WARS2: variants seen among roughly 807,000 people sequenced by gnomAD.
The protein encoded by WARS2 is tryptophan--tRNA ligase, mitochondrial.
WARS2 carries 28 observed loss-of-function variants against 36.5 expected under a neutral mutation model. The observed-to-expected ratio is 0.77, with a 90% CI of 0.57 to 1.05. The LOEUF (loss-of-function observed/expected upper bound fraction) is 1.05, where lower values mean the gene tolerates loss of function less well. WARS2 is among the 50% of genes least tolerant of loss of function. The pLI is 0.00. For missense variants in WARS2, 435 were observed against 456.8 expected, an observed-to-expected ratio of 0.95 and a Z score of 0.44; for synonymous variants, 174 against 178.4, an observed-to-expected ratio of 0.98 and a Z score of 0.20.
At position 119,140,572 on chromosome 1, in the gene WARS2, C is replaced by G; in HGVS notation, c.73G>C (p.Ala25Pro). 1.9e-6 allele frequency: 3 copies of G among 1,613,550 alleles called. No homozygotes were observed. The highest frequency in any genetic ancestry group is 2.5e-6 in the Non-Finnish European group (3 of 1,179,566). Residue 25 changes from alanine to proline, a missense_variant, in exon 1 of 6, where the codon GCT becomes CCT. Ala to Pro is a conservative substitution (Grantham distance 27). Coordinates refer to ENST00000235521, the MANE Select transcript of WARS2 (RefSeq NM_015836.4). ...FIRALHKGSA[A>P]APALQKDSKK... ...TTGGTTACCTGGAGAGCGGGAGCAGCTGCGGATCCCTTATGAAGTGCCCGG... is the reference window on the plus strand; with the variant it reads ...TTGGTTACCTGGAGAGCGGGAGCAGGTGCGGATCCCTTATGAAGTGCCCGG...
chr1:119,085,975 C>A, intron 1 of WARS2: 1 of 1,608,348 alleles, frequency 6.2e-7, no homozygotes, highest in Non-Finnish European at 8.5e-7. Context: ...CCAAACTCAG[C>A]GTTCAGGTAT....
chr1:119,078,123 T>C (rs1651884523), intron 1 of WARS2, among the ~76,000 whole-genome samples: 1 of 152,200 alleles, frequency 6.6e-6, no homozygotes, highest in Non-Finnish European at 1.5e-5. Flanking sequence ...GTGGTGGAGT[T>C]GAGGTTTCAG....
chr1:119,126,486 T>A (rs1655666813), intron 1 of WARS2: 2 of 457,316 alleles, frequency 4.4e-6, no homozygotes, highest in Non-Finnish European at 8.0e-6. Context: ...ACTATTTTTT[T>A]TTTTTTTTTC....
rs531010624 is a variant in WARS2, at chr1:119,036,510, G to A, written c.516-2297C>T. On this transcript the variant is annotated intron_variant, in intron 4 of 5. Coordinates refer to ENST00000235521, the MANE Select transcript of WARS2 (RefSeq NM_015836.4). ...GCTGACATGCAGAGGTCACCTTGACGCCCCCAAGCCAAATTAGCCAACAGA... is the reference window on the plus strand; with the variant it reads ...GCTGACATGCAGAGGTCACCTTGACACCCCCAAGCCAAATTAGCCAACAGA... Among the ~76,000 whole-genome samples, 6 of 152,164 alleles carry A rather than the reference G, an allele frequency of 3.9e-5. No homozygotes were observed. The South Asian group carries it at 6.2e-4, about 16-fold the overall frequency.
chr1:119,071,433 G>A (rs1443121808), intron 2 of WARS2, among the ~76,000 whole-genome samples: 1 of 152,080 alleles, frequency 6.6e-6, no homozygotes, highest in East Asian at 1.9e-4. Context: ...CCAAAATATG[G>A]AATCAACCTA....
intron 1 of WARS2, among the ~76,000 whole-genome samples, chr1:119,095,476 T>G (rs1021899101): frequency 3.3e-5 from 5 of 152,244 alleles, no homozygotes; most frequent in Middle Eastern, 6.8e-3. Flanking sequence ...CATGCTGGAG[T>G]GCAGTGGCGA....
chr1:119,042,181 T>G, intron 4 of WARS2, 83 bp downstream of exon 4: 2 of 1,327,518 alleles, frequency 1.5e-6, no homozygotes, highest in Non-Finnish European at 1.1e-6. Flanking sequence ...CCCTTGCCCA[T>G]GAACCAAGTC....
intron 2 of WARS2, among the ~76,000 whole-genome samples, chr1:119,049,945 C>G (rs1649197943): frequency 6.6e-6 from 1 of 152,190 alleles, no homozygotes; most frequent in African/African-American, 2.4e-5. Flanking sequence ...CTATTCTTAC[C>G]ATACCAGCCT....
chr1:119,042,475 T>C lies in WARS2; in HGVS notation c.430-126A>G. ...TCTGAAGCCACCTGTAATAACATTA[T>C]ACATCGGTTCCTTTTTAGCAACTCT... On this transcript the variant is annotated intron_variant, in intron 3 of 5. Coordinates refer to ENST00000235521, the MANE Select transcript of WARS2 (RefSeq NM_015836.4). 3.9e-6 allele frequency: 3 copies of C among 765,120 alleles called. No homozygotes were observed. In the South Asian group the frequency reaches 5.1e-5, roughly 13 times the overall value. The allele number at this position is 765,120 out of a possible 1,614,324, so 47.4% of individuals were successfully genotyped here.
At chr1:119,103,694 G>A (rs1215171186) in intron 1 of WARS2, among the ~76,000 whole-genome samples, 1 of 150,700 alleles carries the variant, frequency 6.6e-6, no homozygotes, top group Non-Finnish European at 1.5e-5. Flanking sequence ...TAAATTAAAA[G>A]GTAAAAAATT....
At chr1:119,037,363 G>A (rs17023118) in intron 4 of WARS2, among the ~76,000 whole-genome samples, 3,176 of 152,158 alleles carry the variant, frequency 0.021, 121 homozygotes, top group African/African-American at 0.072. Context: ...ATGAATAAAC[G>A]TTGCCTACAT....
At chr1:119,062,094 T>C (rs748608966) in intron 2 of WARS2, among the ~76,000 whole-genome samples, 20 of 152,242 alleles carry the variant, frequency 1.3e-4, no homozygotes, top group Admixed American at 2.6e-4. Flanking sequence ...GTAAGGGAGA[T>C]TGTACCACCC....
At chr1:119,058,412 C>G (rs1292855751) in intron 2 of WARS2, among the ~76,000 whole-genome samples, 1 of 133,404 alleles carries the variant, frequency 7.5e-6, no homozygotes, top group African/African-American at 3.2e-5. Flanking sequence ...ACCCACTAAA[C>G]TCGTCATCTA....
At chr1:119,095,572 A>G (rs907053313) in intron 1 of WARS2, among the ~76,000 whole-genome samples, 3 of 152,102 alleles carry the variant, frequency 2.0e-5, no homozygotes, top group East Asian at 1.9e-4. Flanking sequence ...AGCTGGGATT[A>G]CAGGCGCCTG....
At chr1:119,071,971 GAAGA>G (rs1267687569) in intron 2 of WARS2, among the ~76,000 whole-genome samples, 1 of 151,910 alleles carries the variant, frequency 6.6e-6, no homozygotes, top group Non-Finnish European at 1.5e-5. Context: ...CTGTTAAAAA[GAAGA>G]AAAAGAAAAA....
intron 1 of WARS2, among the ~76,000 whole-genome samples, chr1:119,100,090 G>C (rs1443795945): frequency 6.6e-6 from 1 of 152,044 alleles, no homozygotes; most frequent in Non-Finnish European, 1.5e-5. Flanking sequence ...AAGGAACTCA[G>C]CTCAACAGCA....
chr1:119,088,674 T>C (rs1252055728), intron 1 of WARS2, among the ~76,000 whole-genome samples: 2 of 152,130 alleles, frequency 1.3e-5, no homozygotes, highest in Non-Finnish European at 1.5e-5. Context: ...AGAGAAGACA[T>C]CTATGACAAC....
intron 1 of WARS2, among the ~76,000 whole-genome samples, chr1:119,081,404 A>G: frequency 6.6e-6 from 1 of 152,244 alleles, no homozygotes; most frequent in East Asian, 1.9e-4. Context: ...ACAGACTTCA[A>G]CTAAAGATTT....
chr1:119,126,597 G>T (rs377255707), intron 1 of WARS2: 1 of 669,614 alleles, frequency 1.5e-6, no homozygotes, highest in Admixed American at 1.9e-5. Flanking sequence ...TTTAGCACCT[G>T]TCTTGTCCCC....
Sources: allele counts gnomAD v4.1 joint callset (sites outside exome capture counted in the v4.1 genomes callset), GRCh38; gene constraint gnomAD v4.1.1; transcripts MANE v1.5; gene names NCBI Gene and HGNC (gene_info 2026-07-23, HGNC 2026-07-21).